NRG1: variants seen among roughly 807,000 people sequenced by gnomAD.
NRG1 encodes the protein neuregulin 1.
In NRG1, 18 loss-of-function variants were observed where a neutral mutation model predicts 63.8. That is an observed-to-expected ratio of 0.28 (90% confidence interval 0.19 to 0.42). The LOEUF is 0.42. Ranked by LOEUF, NRG1 falls within the 10% of genes least tolerant of loss-of-function variation. The pLI is 1.00. For missense variants in NRG1, 762 were observed against 814.7 expected (o/e 0.94, Z 0.79); for synonymous variants, 302 against 301.3 (o/e 1.00, Z -0.02).
intron 1 of NRG1, among the ~76,000 whole-genome samples, chr8:32,229,603 T>A (rs1243837320): frequency 6.6e-6 from 1 of 152,144 alleles, no homozygotes; most frequent in Non-Finnish European, 1.5e-5. Context: ...ATGACCTTTT[T>A]AAGATCTTTA....
chr8:32,548,183 G>A (rs1833321123), upstream of NRG1: 2 of 972,580 alleles, frequency 2.1e-6, no homozygotes, highest in African/African-American at 1.8e-5. Context: ...CTCGGGGTGG[G>A]GGTGTGGTGG....
chr8:31,696,049 AT>A (rs887393523), intron 1 of NRG1, among the ~76,000 whole-genome samples: 2 of 152,112 alleles, frequency 1.3e-5, no homozygotes, highest in Admixed American at 6.5e-5. Flanking sequence ...ATTCAAAAAT[AT>A]TTTTTAAGTG....
chr8:32,722,800 C>A (rs916431480), intron 5 of NRG1, among the ~76,000 whole-genome samples: 3 of 152,012 alleles, frequency 2.0e-5, no homozygotes, highest in Admixed American at 6.6e-5. Flanking sequence ...ATATTAATTT[C>A]TCTTAAATTG....
chr8:32,346,969 A>G (rs1176979229), intron 1 of NRG1, among the ~76,000 whole-genome samples: 1 of 151,924 alleles, frequency 6.6e-6, no homozygotes, highest in Non-Finnish European at 1.5e-5. Context: ...AGCTGGGACT[A>G]CAGGCTCCTG....
At chr8:32,770,477 A>G (rs1208874299), downstream of NRG1, among the ~76,000 whole-genome samples, 2 of 152,112 alleles carry the variant, frequency 1.3e-5, no homozygotes, top group African/African-American at 4.8e-5. Flanking sequence ...TTTATTTTCA[A>G]CCTTTATGTA....
chr8:31,685,287 A>G lies in NRG1; in HGVS notation c.37+45856A>G, dbSNP rs117568288. On this transcript the variant is annotated intron_variant, in intron 1 of 10. Coordinates refer to the NRG1 transcript ENST00000519301. ...TTAAGAAGAAATCTGTCCTGAAAAC[A>G]CCATTTAATTTTAGAAGCATTTTCT... Among the ~76,000 whole-genome samples the G allele has an allele frequency of 0.013, 1,999 of 152,272 alleles. 61 individuals are homozygous for G. In the South Asian group the frequency reaches 0.14, roughly 11 times the overall value.
At chr8:31,814,298 G>A (rs1408649243) in intron 1 of NRG1, among the ~76,000 whole-genome samples, 6 of 152,210 alleles carry the variant, frequency 3.9e-5, no homozygotes, top group African/African-American at 1.4e-4. Flanking sequence ...CTGGGATCCA[G>A]TGGGCATCGT....
intron 1 of NRG1, among the ~76,000 whole-genome samples, chr8:31,790,246 A>G (rs1379700015): frequency 6.6e-6 from 1 of 152,186 alleles, no homozygotes; most frequent in Non-Finnish European, 1.5e-5. Flanking sequence ...AGGATATGGG[A>G]CCCTAAAACT....
intron 1 of NRG1, among the ~76,000 whole-genome samples, chr8:32,343,109 G>A (rs1163273335): frequency 6.6e-6 from 1 of 152,136 alleles, no homozygotes; most frequent in Non-Finnish European, 1.5e-5. Context: ...GCATTATGCC[G>A]AAGAGCTAGT....
chr8:32,015,107 T>C (rs973411127), intron 1 of NRG1, among the ~76,000 whole-genome samples: 40 of 152,148 alleles, frequency 2.6e-4, no homozygotes, highest in African/African-American at 8.9e-4. Context: ...ACCCAGTCTG[T>C]AGTGCTTGTA....
intron 1 of NRG1, among the ~76,000 whole-genome samples, chr8:31,767,155 G>A (rs1003819328): frequency 6.6e-6 from 1 of 152,082 alleles, no homozygotes; most frequent in African/African-American, 2.4e-5. Flanking sequence ...GACCGCCATT[G>A]TGAGTAGGCT....
chr8:31,986,846 A>C (rs755439793), intron 1 of NRG1, among the ~76,000 whole-genome samples: 2 of 152,140 alleles, frequency 1.3e-5, no homozygotes, highest in Non-Finnish European at 2.9e-5. Flanking sequence ...TTTCAACCTG[A>C]GGTATGGTTT....
At chr8:32,129,283 C>A (rs1001800041) in intron 1 of NRG1, among the ~76,000 whole-genome samples, 3 of 151,920 alleles carry the variant, frequency 2.0e-5, no homozygotes, top group Admixed American at 6.6e-5. Context: ...TTTATCCTGT[C>A]GTACTTCTAG....
chr8:31,746,689 A>G (rs1334492174), intron 1 of NRG1, among the ~76,000 whole-genome samples: 2 of 152,018 alleles, frequency 1.3e-5, no homozygotes, highest in Admixed American at 6.6e-5. Flanking sequence ...TCAGTATATC[A>G]AAGAGGTATC....
At position 32,309,921 on chromosome 8, in the gene NRG1, G is replaced by C. The variant is rs774466707; in HGVS notation, c.38-285907G>C. Among the ~76,000 whole-genome samples the C allele has an allele frequency of 3.4e-4, 51 of 152,206 alleles. 1 individual carries two copies. Among genetic ancestry groups the C allele is most frequent in the Admixed American group, 6.5e-4 (10 of 15,272 alleles). On this transcript the variant is annotated intron_variant, in intron 1 of 10. Transcript: ENST00000519301. ...GGAAAAAAATGTTAAGTCCACCCTA[G>C]TTCTGTCCAGACAAGCACAGAGAGA...
intron 1 of NRG1, among the ~76,000 whole-genome samples, chr8:31,998,834 A>C (rs1416014489): frequency 6.6e-6 from 1 of 151,988 alleles, no homozygotes; most frequent in Non-Finnish European, 1.5e-5. Context: ...TTTTGTGAAC[A>C]TGCAATGTTC....
intron 1 of NRG1, among the ~76,000 whole-genome samples, chr8:31,720,190 C>G (rs1323609758): frequency 6.6e-6 from 1 of 152,098 alleles, no homozygotes; most frequent in African/African-American, 2.4e-5. Flanking sequence ...ATTAGATGAT[C>G]TTGCTATCTT....
rs117532293 is a variant in NRG1, at chr8:32,645,090, C to T, written c.502+28205C>T. Among the ~76,000 whole-genome samples the T allele has an allele frequency of 7.7e-3, 1,172 of 152,188 alleles. 6 individuals carry two copies. Among genetic ancestry groups the T allele is most frequent in the Middle Eastern group, 0.024 (7 of 294 alleles). ...TCAACTGGGTGCTTTTTGAAGAAAT[C>T]ATAAATTACCCTAGTTTAGCATAAA... On this transcript the variant is annotated intron_variant, in intron 5 of 11. Coordinates refer to ENST00000356819, the Ensembl canonical transcript of NRG1.
chr8:32,716,930 C>T (rs911698818), intron 5 of NRG1, among the ~76,000 whole-genome samples: 21 of 151,682 alleles, frequency 1.4e-4, no homozygotes, highest in Admixed American at 2.0e-4. Context: ...GTGTGCACAC[C>T]TGTTTGCTTC....
Sources: allele counts gnomAD v4.1 joint callset (sites outside exome capture counted in the v4.1 genomes callset), GRCh38; gene constraint gnomAD v4.1.1; transcripts MANE v1.5; gene names NCBI Gene and HGNC (gene_info 2026-07-23, HGNC 2026-07-21).